Variants in NEMF observed in about 807,000 individuals in gnomAD.
NEMF encodes the protein ribosome quality control complex subunit NEMF.
NEMF carries 89 observed loss-of-function variants against 162.2 expected under a neutral mutation model. The ratio of observed to expected loss-of-function variants is 0.55; its 90% CI spans 0.46 to 0.65. NEMF has a LOEUF of 0.65. NEMF is among the 30% of genes least tolerant of loss of function. The pLI, the probability that NEMF is intolerant of heterozygous loss-of-function variation, is 0.00. For missense variants in NEMF, 1,133 were observed against 1,261.9 expected, an observed-to-expected ratio of 0.90 and a Z score of 1.55; for synonymous variants, 421 against 404.5, an observed-to-expected ratio of 1.04 and a Z score of -0.49.
At chr14:49,832,356 C>G (rs750186659) in intron 8 of NEMF, 79 bp from the exon 9 acceptor site, 6 of 963,678 alleles carry the variant, frequency 6.2e-6, no homozygotes, top group Admixed American at 2.3e-5. Context: ...TTGATACAGT[C>G]GCGCTCGCTC....
chr14:49,813,961 A>C, intron 18 of NEMF, 27 bp downstream of exon 18: 1 of 1,271,832 alleles, frequency 7.9e-7, no homozygotes, highest in South Asian at 1.2e-5. Flanking sequence ...AAGGAACAGG[A>C]ATTCTGAATA....
chr14:49,813,552 C>G (rs1028951256), intron 18 of NEMF, among the ~76,000 whole-genome samples: 4 of 152,164 alleles, frequency 2.6e-5, no homozygotes, highest in African/African-American at 7.2e-5. Context: ...TCAATTCTGT[C>G]AGGTTTGCTT....
chr14:49,828,086 A>C (rs1047471843), intron 15 of NEMF, among the ~76,000 whole-genome samples: 75 of 152,358 alleles, frequency 4.9e-4, no homozygotes, highest in African/African-American at 1.8e-3. Flanking sequence ...CAGAAAAATG[A>C]AGGTGTTATT....
chr14:49,787,788 T>G (rs1890247043), intron 28 of NEMF, among the ~76,000 whole-genome samples: 1 of 152,168 alleles, frequency 6.6e-6, no homozygotes, highest in African/African-American at 2.4e-5. Flanking sequence ...TTGTACAAAT[T>G]TTAAAAGCCA....
At position 49,821,770 on chromosome 14, in the gene NEMF, G is replaced by A. The variant is rs1199851512; in HGVS notation, c.1577+4097C>T. Among the ~76,000 whole-genome samples, 4 of 151,710 alleles carry A rather than the reference G, an allele frequency of 2.6e-5. No homozygotes were observed. The East Asian group carries it at 5.9e-4, about 22-fold the overall frequency. ...CCGGCCGCCCCTACTGGGAAGTGAG[G>A]AGCCCCTCTGCCCAGCCACCACCCC... On this transcript the variant is annotated intron_variant, in intron 16 of 32. Transcript: ENST00000298310.
chr14:49,800,511 G>C lies in NEMF; in HGVS notation c.2281C>G (p.Gln761Glu). ...EGEYEEVRKD[Q>E]DSVGEMKDEG... ...TCCTTCATTTCACCAACAGAATCCT[G>C]ATCTTTTCTAACCTCTTCATATTCT... The change falls in exon 23 of 33, where the codon CAG becomes GAG. Residue 761 changes from glutamine (Q) to glutamate (E), a missense_variant. By Grantham distance (29) the Gln-to-Glu change is conservative. This residue lies in a region of NEMF where 532 missense variants were observed against 578.6 expected (regional missense o/e 0.92). Coordinates refer to ENST00000298310, the MANE Select transcript of NEMF (RefSeq NM_004713.6). 1.9e-6 allele frequency: 3 copies of C among 1,613,800 alleles called. No individual in the cohort carries two copies. Among genetic ancestry groups the C allele is most frequent in the Non-Finnish European group, 2.5e-6 (3 of 1,179,826 alleles).
chr14:49,819,301 C>A (rs1891874668), intron 16 of NEMF, among the ~76,000 whole-genome samples: 1 of 151,898 alleles, frequency 6.6e-6, no homozygotes, highest in South Asian at 2.1e-4. Flanking sequence ...ACACAAAAAA[C>A]AGAGTAACTA....
At chr14:49,798,806 C>G (rs1890810278) in intron 25 of NEMF, among the ~76,000 whole-genome samples, 1 of 152,086 alleles carries the variant, frequency 6.6e-6, no homozygotes, top group Non-Finnish European at 1.5e-5. Flanking sequence ...ACTCGGGAGG[C>G]TGAGGCAGGA....
At chr14:49,786,590 G>A (rs1001824690) in intron 29 of NEMF, 128 bp downstream of exon 29, 11 of 838,654 alleles carry the variant, frequency 1.3e-5, no homozygotes, top group South Asian at 6.5e-5. Context: ...TTAAGACCCC[G>A]AAAGTTTGAC....
chr14:49,843,276 C>T (rs751955450), intron 4 of NEMF, among the ~76,000 whole-genome samples: 1 of 152,028 alleles, frequency 6.6e-6, no homozygotes, highest in Admixed American at 6.6e-5. Flanking sequence ...GGGAAGATTG[C>T]TTGAGCCAGG....
intron 10 of NEMF, 69 bp from the exon 11 acceptor site, chr14:49,831,430 A>AT: frequency 1.1e-6 from 1 of 870,756 alleles, no homozygotes; most frequent in Non-Finnish European, 1.8e-6. Flanking sequence ...CATACACAGA[A>AT]TTTTATTTTT....
intron 4 of NEMF, among the ~76,000 whole-genome samples, chr14:49,844,098 C>CAA (rs74488260): frequency 8.4e-6 from 1 of 119,278 alleles, no homozygotes. Context: ...GACTCTGTAT[C>CAA]AAAAAAAAAA....
intron 16 of NEMF, among the ~76,000 whole-genome samples, chr14:49,815,906 G>T (rs546040380): frequency 6.6e-6 from 1 of 152,270 alleles, no homozygotes; most frequent in South Asian, 2.1e-4. Context: ...GGAGCTTGCA[G>T]TGAGCTGAGA....
intron 25 of NEMF, among the ~76,000 whole-genome samples, chr14:49,797,084 T>C (rs1890724157): frequency 6.6e-6 from 1 of 152,246 alleles, no homozygotes; most frequent in African/African-American, 2.4e-5. Flanking sequence ...AAAAGCTTCT[T>C]GAAGGCATGA....
chr14:49,807,165 ACTTAG>A (rs1210362503), intron 18 of NEMF, among the ~76,000 whole-genome samples: 1 of 152,200 alleles, frequency 6.6e-6, no homozygotes, highest in Non-Finnish European at 1.5e-5. Flanking sequence ...GGCTTCTTTC[ACTTAG>A]CTTAATGTTT....
At chr14:49,840,551 C>T (rs1259273063) in intron 5 of NEMF, among the ~76,000 whole-genome samples, 167 bp downstream of exon 5, 2 of 151,864 alleles carry the variant, frequency 1.3e-5, no homozygotes, top group East Asian at 1.9e-4. Context: ...TTCAAACAGT[C>T]TAAATTGAGT....
intron 16 of NEMF, chr14:49,818,420 A>G (rs1195361751): frequency 6.6e-6 from 1 of 152,176 alleles, no homozygotes; most frequent in Non-Finnish European, 1.5e-5. Context: ...CTGAATCCTA[A>G]GCTGATGGTG....
chr14:49,848,202 G>A (rs557384535), intron 3 of NEMF, among the ~76,000 whole-genome samples: 1 of 152,144 alleles, frequency 6.6e-6, no homozygotes, highest in East Asian at 1.9e-4. Flanking sequence ...AACCCAAAGA[G>A]AATTTTCCTG....
Position 49,834,395 on chromosome 14 carries a change from T to G in NEMF, c.629A>C (p.Asn210Thr), listed in dbSNP as rs747059461. 2 of 1,608,770 alleles carry G rather than the reference T, an allele frequency of 1.2e-6. No individual in the cohort carries two copies. The highest frequency in any genetic ancestry group is 2.2e-5 in the South Asian group (2 of 90,968). Residue 210 changes from asparagine (N) to threonine (T), a missense_variant, in exon 7 of 33, where the codon AAT becomes ACT. Asn to Thr is a moderately conservative substitution (Grantham distance 65). This residue lies in a region of NEMF where 582 missense variants were observed against 631.5 expected (regional missense o/e 0.92). Transcript: ENST00000298310. ...HCLLENGFSG[N>T]VKVDEKLETK... The stretch of plus-strand genomic sequence containing the variant: ...TTCAAGTTTTTCATCCACTTTGACA[T>G]TACCCGAGAATCCATTTTCTAAAAG...
Sources: gnomAD v4.1 joint callset for allele counts (sites outside exome capture counted in the v4.1 genomes callset) on GRCh38, gnomAD v4.1.1 for gene constraint, gnomAD v4.1.1 regional missense constraint, MANE v1.5 for transcripts, NCBI Gene and HGNC (gene_info 2026-07-23, HGNC 2026-07-21) for gene names.